EPM2A: variants seen among roughly 807,000 people sequenced by gnomAD.
EPM2A encodes the protein EPM2A glucan phosphatase, laforin.
Under a neutral mutation model 26.5 loss-of-function variants are expected in EPM2A, and 21 were observed. The observed-to-expected ratio is 0.79, with a 90% CI of 0.56 to 1.14. The LOEUF (loss-of-function observed/expected upper bound fraction) is 1.14, where lower values mean the gene tolerates loss of function less well. Ranked by LOEUF, EPM2A falls within the 50% of genes most tolerant of loss-of-function variation. The pLI is 0.00. For synonymous variants in EPM2A, 217 were observed against 177.6 expected (o/e 1.22, Z -1.76); for missense variants, 458 against 440.8 (o/e 1.04, Z -0.35).
chr6:145,479,412 A>G (rs1401244641), intron 4 of EPM2A, among the ~76,000 whole-genome samples: 1 of 151,214 alleles, frequency 6.6e-6, no homozygotes, highest in Non-Finnish European at 1.5e-5. Flanking sequence ...TATCACCCCA[A>G]ACAGAAACTC....
At chr6:145,666,884 G>A (rs1018920710) in intron 2 of EPM2A, among the ~76,000 whole-genome samples, 1 of 146,938 alleles carries the variant, frequency 6.8e-6, no homozygotes, top group African/African-American at 2.7e-5. Flanking sequence ...TCTGATCTTT[G>A]ACAAACCTGA....
At chr6:145,490,829 C>A in intron 4 of EPM2A, 1 of 618,078 alleles carries the variant, frequency 1.6e-6, no homozygotes, top group Admixed American at 1.9e-5. Flanking sequence ...AGATGCATGG[C>A]CATCTTCTTC....
chr6:145,388,326 C>A (rs1022847532), intron 4 of EPM2A, among the ~76,000 whole-genome samples: 27 of 152,074 alleles, frequency 1.8e-4, no homozygotes, highest in Non-Finnish European at 3.7e-4. Context: ...TGACCTCATC[C>A]CTTATTAATC....
intron 2 of EPM2A, among the ~76,000 whole-genome samples, chr6:145,661,841 T>G (rs749999950): frequency 1.3e-5 from 2 of 152,192 alleles, no homozygotes; most frequent in Non-Finnish European, 2.9e-5. Flanking sequence ...CTTTGATCAA[T>G]ACGTGTGATC....
downstream of EPM2A, among the ~76,000 whole-genome samples, chr6:145,622,913 CA>C (rs1775667893): frequency 6.6e-6 from 1 of 152,192 alleles, no homozygotes; most frequent in South Asian, 2.1e-4. Context: ...CTTATTCCAC[CA>C]AATCAGAAGT....
At chr6:145,604,767 G>C (rs192214055) in intron 2 of EPM2A, among the ~76,000 whole-genome samples, 1 of 152,262 alleles carries the variant, frequency 6.6e-6, no homozygotes, top group East Asian at 1.9e-4. Flanking sequence ...AAGGCAATCT[G>C]AGGGGAGAAT....
At chr6:145,721,471 C>G (rs1421029816) in intron 1 of EPM2A, 1 of 152,176 alleles carries the variant, frequency 6.6e-6, no homozygotes, top group East Asian at 1.9e-4. Context: ...AAGAGAAGTC[C>G]TGGGACCAAC....
At chr6:145,453,423 C>T (rs1306386526) in intron 4 of EPM2A, among the ~76,000 whole-genome samples, 2 of 151,908 alleles carry the variant, frequency 1.3e-5, no homozygotes, top group African/African-American at 4.8e-5. Flanking sequence ...TTTGAGAGAG[C>T]CAGTGTCTGT....
intron 4 of EPM2A, among the ~76,000 whole-genome samples, chr6:145,398,304 G>C (rs370386303): frequency 6.6e-6 from 1 of 152,060 alleles, no homozygotes; most frequent in Non-Finnish European, 1.5e-5. Flanking sequence ...AATCCCAAAA[G>C]CTTGCCTGAT....
intron 4 of EPM2A, chr6:145,489,897 A>T (rs1779732273): frequency 7.4e-7 from 1 of 1,358,058 alleles, no homozygotes; most frequent in East Asian, 2.3e-5. Flanking sequence ...GTACTTCAGT[A>T]CCTTCTTCAG....
At chr6:145,617,879 G>C (rs910086544) in intron 2 of EPM2A, among the ~76,000 whole-genome samples, 1 of 152,148 alleles carries the variant, frequency 6.6e-6, no homozygotes, top group Non-Finnish European at 1.5e-5. Context: ...GAAGGTAGAG[G>C]CTGCAATGAG....
At chr6:145,580,137 C>A (rs531659984) in intron 2 of EPM2A, among the ~76,000 whole-genome samples, 12 of 152,166 alleles carry the variant, frequency 7.9e-5, no homozygotes, top group African/African-American at 2.9e-4. Context: ...TTAAGCATTT[C>A]TTGTTTCTCT....
intron 4 of EPM2A, among the ~76,000 whole-genome samples, chr6:145,485,338 A>G (rs1003148065): frequency 6.6e-6 from 1 of 152,166 alleles, no homozygotes; most frequent in African/African-American, 2.4e-5. Context: ...ATGTTCTGAT[A>G]ACTATAAACC....
intron 4 of EPM2A, among the ~76,000 whole-genome samples, chr6:145,403,640 C>T (rs1338901457): frequency 6.6e-6 from 1 of 152,052 alleles, no homozygotes; most frequent in African/African-American, 2.4e-5. Flanking sequence ...TGTATGAGTA[C>T]CACATTTTCT....
rs78555231 is a variant in EPM2A, at chr6:145,528,468, A to T, written c.341-25893T>A. ...TCATTTATCATTTCAAAAATGTTAG[A>T]GCCCTTCAGAATTATGTTAATTCTC... On this transcript the variant is annotated intron_variant, in intron 2 of 3. Coordinates refer to the EPM2A transcript ENST00000450221. Among the ~76,000 whole-genome samples the T allele has an allele frequency of 4.8e-3, 736 of 152,246 alleles. 25 individuals carry two copies. In the East Asian group the frequency reaches 0.087, roughly 18 times the overall value.
At chr6:145,620,276 C>T (rs940416384) in intron 2 of EPM2A, among the ~76,000 whole-genome samples, 4 of 152,162 alleles carry the variant, frequency 2.6e-5, no homozygotes, top group South Asian at 2.1e-4. Context: ...CTAGATCCCT[C>T]GCATGTGCAG....
intron 1 of EPM2A, among the ~76,000 whole-genome samples, chr6:145,732,351 A>T (rs370949164): frequency 4.0e-5 from 6 of 151,854 alleles, no homozygotes; most frequent in African/African-American, 1.5e-4. Flanking sequence ...TCTATGTAAC[A>T]GAAAGTCAAC....
intron 4 of EPM2A, among the ~76,000 whole-genome samples, chr6:145,487,244 A>T (rs1490561506): frequency 6.6e-6 from 1 of 152,060 alleles, no homozygotes; most frequent in African/African-American, 2.4e-5. Flanking sequence ...TCTAACCTTG[A>T]TGGGCATTTA....
At chr6:145,613,618 G>A (rs773756227) in intron 2 of EPM2A, among the ~76,000 whole-genome samples, 1 of 152,140 alleles carries the variant, frequency 6.6e-6, no homozygotes, top group Non-Finnish European at 1.5e-5. Context: ...AATGAATGTC[G>A]TGTTGGCAGG....
Sources: allele counts gnomAD v4.1 joint callset (sites outside exome capture counted in the v4.1 genomes callset), GRCh38; gene constraint gnomAD v4.1.1; transcripts MANE v1.5; gene names NCBI Gene and HGNC (gene_info 2026-07-23, HGNC 2026-07-21).